KIRREL3: variants seen among roughly 807,000 people sequenced by gnomAD.
KIRREL3 encodes the protein kirre like nephrin family adhesion molecule 3, also known as kin of IRRE-like protein 3.
In KIRREL3, 36 loss-of-function variants were observed where a neutral mutation model predicts 89.7. That is an observed-to-expected ratio of 0.40 (90% CI 0.31 to 0.53). The LOEUF is 0.53. KIRREL3 is among the 20% of genes least tolerant of loss of function. The probability of loss-of-function intolerance (pLI) is 0.49; values close to 1 mark genes in which losing one functional copy is unlikely to be tolerated. For synonymous variants in KIRREL3, 445 were observed against 441.4 expected, an observed-to-expected ratio of 1.01 and a Z score of -0.10; for missense variants, 864 against 1,056.6, an observed-to-expected ratio of 0.82 and a Z score of 2.53.
In KIRREL3 at chr11:126,523,179, T is replaced by G. The variant is rs1892996; in HGVS notation, c.284-1715A>C. On this transcript the variant is annotated intron_variant, in intron 3 of 16. Transcript: ENST00000525144. This position sits in a 1 kb window ranked among gnomAD's most constrained non-coding sequence, Gnocchi z 4.9. ...AACAAGGATCTGGGATGCCAGAGAGTGTAGTGAGGTCCCCATCACTGGCTG... is the reference window on the plus strand; with the variant it reads ...AACAAGGATCTGGGATGCCAGAGAGGGTAGTGAGGTCCCCATCACTGGCTG... 0.27 allele frequency among the ~76,000 whole-genome samples: 41,201 copies of G among 151,832 alleles called. 6,792 individuals are homozygous for G. Among genetic ancestry groups the G allele is most frequent in the African/African-American group, 0.46 (18,839 of 41,360 alleles).
intron 1 of KIRREL3, among the ~76,000 whole-genome samples, chr11:126,842,162 T>A (rs1483670544): frequency 6.6e-6 from 1 of 152,020 alleles, no homozygotes; most frequent in South Asian, 2.1e-4. Context: ...GTGGTTGCTG[T>A]TCGGAGGGCC....
At position 126,486,421 on chromosome 11, in the gene KIRREL3, A is replaced by C. The variant is rs1202173286; in HGVS notation, c.434-12955T>G. On this transcript the variant is annotated intron_variant, in intron 4 of 16. Coordinates refer to ENST00000525144, the MANE Select transcript of KIRREL3 (RefSeq NM_032531.4). The surrounding 1 kb of genome is among the most constrained non-coding windows in gnomAD (Gnocchi z 6.2). ...GAGCGAGAGACTTTCTCCTTTCTCC[A>C]GCCCAGCTCCTATGCTGATGGCTGC... Among the ~76,000 whole-genome samples the C allele has an allele frequency of 4.6e-5, 7 of 152,330 alleles. No individual in the cohort carries two copies. The highest frequency in any genetic ancestry group is 7.4e-5 in the Non-Finnish European group (5 of 68,020).
At chr11:126,618,941 A>G (rs1943468267) in intron 1 of KIRREL3, among the ~76,000 whole-genome samples, 1 of 152,188 alleles carries the variant, frequency 6.6e-6, no homozygotes, top group African/African-American at 2.4e-5. Context: ...ATACGTGTCC[A>G]CTGTGTGTCA....
rs1946078 is a variant in KIRREL3, at chr11:126,761,948, G to C, written c.56-199036C>G. On this transcript the variant is annotated intron_variant, in intron 1 of 16. Transcript: ENST00000525144. The surrounding 1 kb of genome is among the most constrained non-coding windows in gnomAD (Gnocchi z 4.4). ...AATCCCAACACTTTGGGAGGCCGAGGGGGGCAGATCACCTGAGGTCAGGAG... is the reference window on the plus strand; with the variant it reads ...AATCCCAACACTTTGGGAGGCCGAGCGGGGCAGATCACCTGAGGTCAGGAG... 6.6e-6 allele frequency among the ~76,000 whole-genome samples: 1 copy of C among 151,986 alleles called. No homozygotes were observed. The highest frequency in any genetic ancestry group is 1.5e-5 in the Non-Finnish European group (1 of 67,998).
intron 10 of KIRREL3, among the ~76,000 whole-genome samples, chr11:126,442,244 G>C (rs1207548250): frequency 7.1e-6 from 1 of 140,348 alleles, no homozygotes; most frequent in Non-Finnish European, 1.5e-5. Flanking sequence ...CTGGGCGACA[G>C]AGCGAGACTC....
At chr11:126,743,726 C>T (rs73018543) in intron 1 of KIRREL3, among the ~76,000 whole-genome samples, 5,363 of 152,294 alleles carry the variant, frequency 0.035, 132 homozygotes, top group Non-Finnish European at 0.053. Context: ...GATATGATTA[C>T]GGTGCCTACT....
intron 2 of KIRREL3, among the ~76,000 whole-genome samples, chr11:126,533,457 G>A (rs963054732): frequency 6.6e-6 from 1 of 152,212 alleles, no homozygotes; most frequent in Non-Finnish European, 1.5e-5. Flanking sequence ...CACTTCATCA[G>A]TTCTGTGTAT....
rs1179542184 is a variant in KIRREL3 at position 126,429,829 on chromosome 11, T to C, written c.1697-541A>G. ...TCTGCAGGAGGCAGGCTGTTTCTAG[T>C]TGGAGAGCTCTGTTAGAAAATTCTT... is the stretch of plus-strand genomic sequence containing the variant. On this transcript the variant is annotated intron_variant, in intron 14 of 16. Transcript: ENST00000525144. The surrounding 1 kb of genome is among the most constrained non-coding windows in gnomAD (Gnocchi z 5.2). 6.6e-6 allele frequency among the ~76,000 whole-genome samples: 1 copy of C among 152,188 alleles called. No homozygotes were observed. The highest frequency in any genetic ancestry group is 1.5e-5 in the Non-Finnish European group (1 of 68,028).
chr11:126,456,554 G>T, intron 6 of KIRREL3, 100 bp from the exon 7 acceptor site: 1 of 785,336 alleles, frequency 1.3e-6, no homozygotes, highest in South Asian at 1.7e-5. Flanking sequence ...ACCACCCAGG[G>T]ACCCTCAGAG....
In KIRREL3 at chr11:126,897,142, C is replaced by T. The variant is rs147557358; in HGVS notation, c.55+103313G>A. Among the ~76,000 whole-genome samples the T allele has an allele frequency of 3.3e-5, 5 of 152,056 alleles. No individual in the cohort carries two copies. Among genetic ancestry groups the T allele is most frequent in the African/African-American group, 1.2e-4 (5 of 41,378 alleles). ...AAACAACTCCACAACTAAAGCAAAC[C>T]CTTCTGGTCACCCTGGGTCAGAGGA... On this transcript the variant is annotated intron_variant, in intron 1 of 16. Transcript: ENST00000525144. The surrounding 1 kb of genome is among the most constrained non-coding windows in gnomAD (Gnocchi z 4.2).
In KIRREL3 at chr11:126,995,935, C is replaced by T. The variant is rs938497036; in HGVS notation, c.55+4520G>A. 1.8e-4 allele frequency among the ~76,000 whole-genome samples: 27 copies of T among 152,110 alleles called. No individual in the cohort carries two copies. Among genetic ancestry groups the T allele is most frequent in the Admixed American group, 2.0e-4 (3 of 15,282 alleles). ...CTTCTTGGTACCATGCCTAGCTTGCCGCTGCCTGTTCCAAGCCAAATCCTC... is the reference window on the plus strand; with the variant it reads ...CTTCTTGGTACCATGCCTAGCTTGCTGCTGCCTGTTCCAAGCCAAATCCTC... On this transcript the variant is annotated intron_variant, in intron 1 of 16. Coordinates refer to ENST00000525144, the MANE Select transcript of KIRREL3 (RefSeq NM_032531.4). This position sits in a 1 kb window ranked among gnomAD's most constrained non-coding sequence, Gnocchi z 6.5.
chr11:126,733,003 T>C (rs372408883), intron 1 of KIRREL3, among the ~76,000 whole-genome samples: 9 of 152,346 alleles, frequency 5.9e-5, no homozygotes, highest in African/African-American at 1.4e-4. Context: ...TTGGTTCCCA[T>C]TGTGAATAAG....
In KIRREL3 at chr11:126,615,789, G is replaced by A. The variant is rs1366361774; in HGVS notation, c.56-52877C>T. 6.6e-6 allele frequency among the ~76,000 whole-genome samples: 1 copy of A among 152,186 alleles called. No individual in the cohort carries two copies. The highest frequency in any genetic ancestry group is 1.5e-5 in the Non-Finnish European group (1 of 68,038). On this transcript the variant is annotated intron_variant, in intron 1 of 16. Transcript: ENST00000525144. The surrounding 1 kb of genome is among the most constrained non-coding windows in gnomAD (Gnocchi z 5.4). ...AGCCTTACTACCTTTGGCTACATAGGCTCTGGGATGGCAGTGCTCTCTCAG... is the reference window on the plus strand; with the variant it reads ...AGCCTTACTACCTTTGGCTACATAGACTCTGGGATGGCAGTGCTCTCTCAG...
chr11:126,851,167 C>T (rs945754935), intron 1 of KIRREL3, among the ~76,000 whole-genome samples: 23 of 152,044 alleles, frequency 1.5e-4, no homozygotes, highest in African/African-American at 5.6e-4. Flanking sequence ...ACTTAGGACC[C>T]GACTGCCATT....
chr11:126,862,442 T>A (rs1343698606), intron 1 of KIRREL3, among the ~76,000 whole-genome samples: 2 of 152,220 alleles, frequency 1.3e-5, no homozygotes, highest in Admixed American at 6.5e-5. Context: ...AAAAACTCCA[T>A]TCCTCCTGGG....
chr11:126,857,076 T>C (rs773454617), intron 1 of KIRREL3, among the ~76,000 whole-genome samples: 16 of 152,372 alleles, frequency 1.1e-4, no homozygotes, highest in South Asian at 6.2e-4. Flanking sequence ...AGCATCTGCA[T>C]TTGAGGCCAC....
chr11:126,986,223 A>G (rs374716138), intron 1 of KIRREL3, among the ~76,000 whole-genome samples: 83 of 152,310 alleles, frequency 5.4e-4, no homozygotes, highest in African/African-American at 1.9e-3. Flanking sequence ...GTTGGGTTGA[A>G]AAAAGAGGCC....
rs1163578706 is a variant in KIRREL3, at chr11:126,537,987, C to G, written c.134-11300G>C. 6.6e-6 allele frequency among the ~76,000 whole-genome samples: 1 copy of G among 151,848 alleles called. No homozygotes were observed. Among genetic ancestry groups the G allele is most frequent in the Non-Finnish European group, 1.5e-5 (1 of 67,994 alleles). On this transcript the variant is annotated intron_variant, in intron 2 of 16. Transcript: ENST00000525144. The surrounding 1 kb of genome is among the most constrained non-coding windows in gnomAD (Gnocchi z 4.3). ...GTGCAGGAGACAGTGGGTGAGCCCT[C>G]CCATTGGCTCTGCCTCTTTCTTGAG...
At chr11:126,840,056 T>C (rs1440854687) in intron 1 of KIRREL3, among the ~76,000 whole-genome samples, 1 of 152,194 alleles carries the variant, frequency 6.6e-6, no homozygotes, top group Non-Finnish European at 1.5e-5. Flanking sequence ...GGCAGAGCGA[T>C]ACATTAAAAA....
Sources: allele counts gnomAD v4.1 joint callset (sites outside exome capture counted in the v4.1 genomes callset), GRCh38; gene constraint gnomAD v4.1.1; non-coding constraint Gnocchi (gnomAD v3.1); transcripts MANE v1.5; gene names NCBI Gene and HGNC (gene_info 2026-07-23, HGNC 2026-07-21).